Variants in SLC25A12 observed in about 807,000 individuals in gnomAD.
The protein encoded by SLC25A12 is solute carrier family 25 member 12.
In SLC25A12, 32 loss-of-function variants were observed where a neutral mutation model predicts 83.3. That is an observed-to-expected ratio of 0.38 (90% CI 0.29 to 0.52). The LOEUF (loss-of-function observed/expected upper bound fraction) is 0.52, where lower values mean the gene tolerates loss of function less well. Ranked by LOEUF, SLC25A12 falls within the 20% of genes least tolerant of loss-of-function variation. The pLI is 0.84. For missense variants in SLC25A12, 611 were observed against 835.6 expected, an observed-to-expected ratio of 0.73 and a Z score of 3.31; for synonymous variants, 267 against 291.1, an observed-to-expected ratio of 0.92 and a Z score of 0.84.
chr2:171,814,812 T>TA (rs1484120162), intron 10 of SLC25A12, among the ~76,000 whole-genome samples: 1 of 152,194 alleles, frequency 6.6e-6, no homozygotes, highest in Non-Finnish European at 1.5e-5. Flanking sequence ...ACCTGTCCCA[T>TA]AAACACAGTC....
intron 13 of SLC25A12, among the ~76,000 whole-genome samples, chr2:171,806,615 A>G (rs1683837343): frequency 6.6e-6 from 1 of 152,206 alleles, no homozygotes; most frequent in South Asian, 2.1e-4. Flanking sequence ...TGTCATTTCC[A>G]TGGCAATAAA....
intron 5 of SLC25A12, among the ~76,000 whole-genome samples, chr2:171,838,584 C>A (rs1360544769): frequency 1.3e-5 from 2 of 152,126 alleles, no homozygotes; most frequent in East Asian, 1.9e-4. Flanking sequence ...GCCATGGGTA[C>A]AATTTAGCCT....
intron 2 of SLC25A12, among the ~76,000 whole-genome samples, chr2:171,891,530 A>AG (rs943365029): frequency 6.6e-6 from 1 of 152,244 alleles, no homozygotes; most frequent in African/African-American, 2.4e-5. Context: ...GATTAGCCTA[A>AG]GGGTACAAGA....
chr2:171,881,823 G>C (rs1685701435), intron 2 of SLC25A12, among the ~76,000 whole-genome samples: 1 of 152,050 alleles, frequency 6.6e-6, no homozygotes, highest in Non-Finnish European at 1.5e-5. Context: ...TGAAAATAAT[G>C]AGCCATGGGA....
intron 4 of SLC25A12, among the ~76,000 whole-genome samples, chr2:171,851,363 G>C (rs1421136473): frequency 2.6e-5 from 4 of 151,522 alleles, no homozygotes; most frequent in Non-Finnish European, 5.9e-5. Context: ...GCTAATTTTT[G>C]TATTTTTAGT....
At chr2:171,816,040 AT>A (rs1318937027) in intron 9 of SLC25A12, among the ~76,000 whole-genome samples, 2 of 148,164 alleles carry the variant, frequency 1.3e-5, no homozygotes, top group Admixed American at 6.7e-5. Flanking sequence ...TATTTCACTT[AT>A]TAATTAATGC....
chr2:171,841,865 C>A (rs1452705615), intron 5 of SLC25A12, among the ~76,000 whole-genome samples: 1 of 152,188 alleles, frequency 6.6e-6, no homozygotes, highest in Non-Finnish European at 1.5e-5. Context: ...AGGGTGATCA[C>A]AGAATGACTC....
At position 171,853,416 on chromosome 2, in the gene SLC25A12, C is replaced by CCGGG. The variant is rs1553474807; in HGVS notation, c.325+2417_325+2418insCCCG. On this transcript the variant is annotated intron_variant, in intron 4 of 17. Transcript: ENST00000422440. The stretch of plus-strand genomic sequence containing the variant: ...GTTGGCTGGGTGCAGTGGCTCACGC[C>CCGGG]TGTAATCTCAGCACTTTGGGAGGCC... Among the ~76,000 whole-genome samples, 17 of 10,432 alleles carry CCGGG rather than the reference C, an allele frequency of 1.6e-3. 1 individual carries two copies. Among genetic ancestry groups the CCGGG allele is most frequent in the Non-Finnish European group, 7.4e-3 (11 of 1,484 alleles). 6.8% of individuals were successfully genotyped at this position (10,432 alleles called of 152,430 possible).
intron 2 of SLC25A12, among the ~76,000 whole-genome samples, chr2:171,883,676 T>C (rs986081043): frequency 1.3e-5 from 2 of 152,188 alleles, no homozygotes; most frequent in Admixed American, 1.3e-4. Flanking sequence ...GTGAGCCCTT[T>C]GGAATTCCCT....
chr2:171,787,556 G>T lies in SLC25A12; in HGVS notation c.1835+15C>A. The T allele has an allele frequency of 6.3e-7, 1 of 1,593,220 alleles. No individual in the cohort carries two copies. The highest frequency in any genetic ancestry group is 8.6e-7 in the Non-Finnish European group (1 of 1,160,896). On this transcript the variant is annotated intron_variant, in intron 17 of 17. Transcript: ENST00000422440. ...TTAGTGATTTCTTTGTAAAGGAGTTGAGCAGCTGACTTACAGGCCTCCAAA... is the reference window on the plus strand; with the variant it reads ...TTAGTGATTTCTTTGTAAAGGAGTTTAGCAGCTGACTTACAGGCCTCCAAA...
intron 3 of SLC25A12, among the ~76,000 whole-genome samples, chr2:171,865,113 A>G (rs906168899): frequency 2.6e-5 from 4 of 152,286 alleles, no homozygotes; most frequent in Non-Finnish European, 4.4e-5. Context: ...TTTCACTGAT[A>G]TATTAATAAT....
intron 15 of SLC25A12, chr2:171,789,072 G>A (rs371736782): frequency 6.6e-6 from 1 of 152,190 alleles, no homozygotes; most frequent in Non-Finnish European, 1.5e-5. Flanking sequence ...TTGTTGATTG[G>A]AAAGCACAAG....
intron 13 of SLC25A12, among the ~76,000 whole-genome samples, chr2:171,806,257 T>C (rs10930495): frequency 0.94 from 142,906 of 152,296 alleles, 67,723 homozygotes; most frequent in Middle Eastern, 1. Context: ...GTCGGGAGTT[T>C]GAGACCAGCC....
At chr2:171,879,680 T>C (rs1215369147) in intron 2 of SLC25A12, among the ~76,000 whole-genome samples, 2 of 152,182 alleles carry the variant, frequency 1.3e-5, no homozygotes, top group Admixed American at 6.5e-5. Context: ...TAAGTAACCA[T>C]GGGAACATAC....
At chr2:171,827,078 G>A (rs1218737835) in intron 8 of SLC25A12, among the ~76,000 whole-genome samples, 196 bp from the exon 9 acceptor site, 1 of 152,102 alleles carries the variant, frequency 6.6e-6, no homozygotes, top group East Asian at 1.9e-4. Flanking sequence ...AGACTCCAGA[G>A]AAATAATGTG....
chr2:171,880,556 G>A (rs1685669320), intron 2 of SLC25A12, among the ~76,000 whole-genome samples: 1 of 152,184 alleles, frequency 6.6e-6, no homozygotes, highest in South Asian at 2.1e-4. Context: ...GGGATTACAG[G>A]CATGAGCCTC....
chr2:171,886,341 A>G (rs1306214444), intron 2 of SLC25A12, among the ~76,000 whole-genome samples: 1 of 140,500 alleles, frequency 7.1e-6, no homozygotes, highest in Non-Finnish European at 1.5e-5. Flanking sequence ...TGATCCTCCC[A>G]CCTCAGCCTC....
At chr2:171,790,601 C>G (rs1444630016) in intron 15 of SLC25A12, among the ~76,000 whole-genome samples, 1 of 152,210 alleles carries the variant, frequency 6.6e-6, no homozygotes, top group African/African-American at 2.4e-5. Flanking sequence ...TACTATTACA[C>G]TGGCCACGTA....
At chr2:171,836,024 T>C (rs1468373586) in intron 6 of SLC25A12, among the ~76,000 whole-genome samples, 1 of 152,184 alleles carries the variant, frequency 6.6e-6, no homozygotes, top group Non-Finnish European at 1.5e-5. Flanking sequence ...ACTAAGGTAC[T>C]GAGCCCCTCC....
Sources: allele counts gnomAD v4.1 joint callset (sites outside exome capture counted in the v4.1 genomes callset), GRCh38; gene constraint gnomAD v4.1.1; transcripts MANE v1.5; gene names NCBI Gene and HGNC (gene_info 2026-07-23, HGNC 2026-07-21).